DYNC1I1: variants seen among roughly 807,000 people sequenced by gnomAD.
DYNC1I1 encodes dynein cytoplasmic 1 intermediate chain 1, also known as cytoplasmic dynein 1 intermediate chain 1.
In DYNC1I1, 43 loss-of-function variants were observed where a neutral mutation model predicts 86.6. The ratio of observed to expected loss-of-function variants is 0.50; its 90% CI spans 0.39 to 0.64. The LOEUF (loss-of-function observed/expected upper bound fraction) is 0.64. DYNC1I1 is among the 30% of genes least tolerant of loss of function. DYNC1I1 has a pLI of 0.00. For synonymous variants in DYNC1I1, 262 were observed against 283.7 expected (o/e 0.92, Z 0.77); for missense variants, 604 against 788.8 (o/e 0.77, Z 2.81).
At chr7:96,045,200 G>A (rs1298655967) in intron 14 of DYNC1I1, among the ~76,000 whole-genome samples, 2 of 152,228 alleles carry the variant, frequency 1.3e-5, no homozygotes, top group African/African-American at 4.8e-5. Context: ...AATTGAATAA[G>A]AGAATTAGTA....
At chr7:95,966,064 T>C (rs984413963) in intron 6 of DYNC1I1, among the ~76,000 whole-genome samples, 4 of 152,166 alleles carry the variant, frequency 2.6e-5, no homozygotes, top group African/African-American at 9.7e-5. Flanking sequence ...TGGGTGACCA[T>C]GTGTTCTGGT....
chr7:95,877,221 G>T (rs1044607250), intron 6 of DYNC1I1, among the ~76,000 whole-genome samples: 3 of 152,162 alleles, frequency 2.0e-5, no homozygotes, highest in Non-Finnish European at 2.9e-5. Context: ...CCAAGCAAGT[G>T]TGAGTACAAG....
chr7:95,907,569 T>G (rs1791208264), intron 6 of DYNC1I1, among the ~76,000 whole-genome samples: 1 of 152,092 alleles, frequency 6.6e-6, no homozygotes. Flanking sequence ...TGACATTCCC[T>G]CTGCTGTTTA....
At chr7:96,108,267 C>A (rs970666784) in intron 16 of DYNC1I1, among the ~76,000 whole-genome samples, 2 of 152,102 alleles carry the variant, frequency 1.3e-5, no homozygotes, top group Non-Finnish European at 2.9e-5. Flanking sequence ...TGTCCTGCAA[C>A]GAACCCATTG....
chr7:96,105,134 A>G lies in DYNC1I1; in HGVS notation c.1543-4845A>G, dbSNP rs1463887521. On this transcript the variant is annotated intron_variant, in intron 16 of 16. Transcript: ENST00000537881. Reference sequence around the variant, plus strand: ...TTTCAATTTTTTAACAAAATTTTTTACTAGTTTGTAGAAATTTAGTTTTGT... The same window carrying G: ...TTTCAATTTTTTAACAAAATTTTTTGCTAGTTTGTAGAAATTTAGTTTTGT... Among the ~76,000 whole-genome samples the G allele has an allele frequency of 2.0e-5, 3 of 151,838 alleles. No individual in the cohort carries two copies. In the East Asian group the frequency reaches 5.8e-4, roughly 29 times the overall value.
intron 14 of DYNC1I1, among the ~76,000 whole-genome samples, chr7:96,044,456 C>CA (rs1427859272): frequency 2.1e-5 from 3 of 145,822 alleles, no homozygotes; most frequent in East Asian, 4.0e-4. Context: ...GTTTTCTTTC[C>CA]TTTTTTTTTT....
chr7:96,032,894 G>A, intron 12 of DYNC1I1, 114 bp downstream of exon 12: 1 of 798,936 alleles, frequency 1.3e-6, no homozygotes, highest in Non-Finnish European at 2.0e-6. Context: ...TAAAACAAAT[G>A]GATGCACTTG....
chr7:95,945,989 C>T (rs1204963826), intron 6 of DYNC1I1, among the ~76,000 whole-genome samples: 1 of 152,042 alleles, frequency 6.6e-6, no homozygotes, highest in Non-Finnish European at 1.5e-5. Context: ...GGAACAAGAT[C>T]ATGTCCTTTG....
At chr7:95,778,575 C>T (rs1222947851) in intron 1 of DYNC1I1, among the ~76,000 whole-genome samples, 1 of 152,212 alleles carries the variant, frequency 6.6e-6, no homozygotes, top group Admixed American at 6.5e-5. Context: ...CTGGGAATAG[C>T]TGTCTTTTAT....
At chr7:95,978,631 G>T (rs1466849604) in intron 7 of DYNC1I1, among the ~76,000 whole-genome samples, 1 of 152,114 alleles carries the variant, frequency 6.6e-6, no homozygotes, top group Non-Finnish European at 1.5e-5. Flanking sequence ...TTTAAAGATG[G>T]TTGTGGCTCT....
intron 5 of DYNC1I1, among the ~76,000 whole-genome samples, chr7:95,865,983 G>A (rs1389188790): frequency 6.6e-6 from 1 of 152,188 alleles, no homozygotes; most frequent in African/African-American, 2.4e-5. Flanking sequence ...AAGCTATGCA[G>A]GAGGGGTGGT....
intron 6 of DYNC1I1, among the ~76,000 whole-genome samples, chr7:95,947,353 C>T (rs1435903087): frequency 2.6e-5 from 4 of 152,112 alleles, no homozygotes; most frequent in Non-Finnish European, 5.9e-5. Flanking sequence ...GCCTTTTGAA[C>T]AGTAAGCCCA....
rs78353682 is a variant in DYNC1I1 at position 95,952,601 on chromosome 7, G to C, written c.491-24911G>C. Reference sequence around the variant, plus strand: ...ATCTTCAACCAGCCCAAGGGTGCACGTGGCCCTGCTCAGTGCTTTTACGCC... The same window carrying C: ...ATCTTCAACCAGCCCAAGGGTGCACCTGGCCCTGCTCAGTGCTTTTACGCC... On this transcript the variant is annotated intron_variant, in intron 6 of 16. Coordinates refer to ENST00000447467, the MANE Select transcript of DYNC1I1 (RefSeq NM_001135556.2). Among the ~76,000 whole-genome samples, 170 of 152,224 alleles carry C rather than the reference G, an allele frequency of 1.1e-3. 2 individuals carry two copies. The highest frequency in any genetic ancestry group is 9.2e-3 in the Admixed American group (140 of 15,300).
chr7:96,074,351 C>T (rs985966958), intron 14 of DYNC1I1, among the ~76,000 whole-genome samples: 19 of 151,976 alleles, frequency 1.3e-4, no homozygotes, highest in African/African-American at 3.9e-4. Flanking sequence ...AGATCGAGAC[C>T]ATCCTGGCTA....
chr7:96,095,225 A>T (rs961768672), intron 16 of DYNC1I1, among the ~76,000 whole-genome samples: 2 of 152,110 alleles, frequency 1.3e-5, no homozygotes, highest in African/African-American at 4.8e-5. Context: ...TGTAAATGAG[A>T]CTCACTTCTG....
At chr7:96,085,089 G>A (rs1457943261) in intron 16 of DYNC1I1, among the ~76,000 whole-genome samples, 1 of 152,168 alleles carries the variant, frequency 6.6e-6, no homozygotes, top group Non-Finnish European at 1.5e-5. Flanking sequence ...ATTGCAGAAA[G>A]GGACTCTGGT....
In DYNC1I1 at chr7:95,987,165, AT is replaced by A; in HGVS notation, c.843+12del. ...GGACTGGTCCCTCCAGGTAAGAATTATTGCTGGGCTGGGACAAACTGGGCTT... is the reference window on the plus strand; with the variant it reads ...GGACTGGTCCCTCCAGGTAAGAATTATGCTGGGCTGGGACAAACTGGGCTT... On this transcript the variant is annotated intron_variant, in intron 9 of 16. Coordinates refer to ENST00000447467, the MANE Select transcript of DYNC1I1 (RefSeq NM_001135556.2). The A allele has an allele frequency of 1.2e-6, 2 of 1,610,420 alleles. No homozygotes were observed. Among genetic ancestry groups the A allele is most frequent in the Non-Finnish European group, 1.7e-6 (2 of 1,177,288 alleles).
At chr7:96,107,274 C>A (rs1339938730) in intron 16 of DYNC1I1, among the ~76,000 whole-genome samples, 1 of 152,074 alleles carries the variant, frequency 6.6e-6, no homozygotes, top group African/African-American at 2.4e-5. Flanking sequence ...AAGTGATCTG[C>A]CCACCTCAGC....
chr7:95,995,675 G>A (rs1393238635), intron 9 of DYNC1I1, among the ~76,000 whole-genome samples: 5 of 152,178 alleles, frequency 3.3e-5, no homozygotes, highest in African/African-American at 9.7e-5. Context: ...TACAGGAGAG[G>A]AAGGGAGTAG....
Sources: allele counts gnomAD v4.1 joint callset (sites outside exome capture counted in the v4.1 genomes callset), GRCh38; gene constraint gnomAD v4.1.1; transcripts MANE v1.5; gene names NCBI Gene and HGNC (gene_info 2026-07-23, HGNC 2026-07-21).